The following BMPR1B variants were observed in gnomAD, a reference collection of about 807,000 sequenced individuals.
BMPR1B encodes the protein bone morphogenetic protein receptor type-1B.
Under a neutral mutation model 59.1 loss-of-function variants are expected in BMPR1B, and 12 were observed. The observed-to-expected ratio is 0.20, with a 90% CI of 0.13 to 0.33. The LOEUF (loss-of-function observed/expected upper bound fraction) is 0.33, where lower values mean the gene tolerates loss of function less well. BMPR1B is among the 10% of genes least tolerant of loss of function. The pLI is 1.00. For synonymous variants in BMPR1B, 237 were observed against 207.3 expected, an observed-to-expected ratio of 1.14 and a Z score of -1.23; for missense variants, 550 against 610.9, an observed-to-expected ratio of 0.90 and a Z score of 1.05.
At chr4:94,837,740 T>C in intron 1 of BMPR1B, among the ~76,000 whole-genome samples, 6 of 138,528 alleles carry the variant, frequency 4.3e-5, no homozygotes, top group African/African-American at 1.7e-4. Context: ...CCTAATTGAA[T>C]ACCCTTTATT....
chr4:94,792,947 T>A (rs895714513), intron 1 of BMPR1B, among the ~76,000 whole-genome samples: 1 of 152,144 alleles, frequency 6.6e-6, no homozygotes, highest in African/African-American at 2.4e-5. Context: ...GTTTAGATAG[T>A]CAGAAAAGAG....
At position 94,905,746 on chromosome 4, in the gene BMPR1B, A is replaced by T. The variant is rs370009516; in HGVS notation, c.-113+29846A>T. 9.9e-5 allele frequency among the ~76,000 whole-genome samples: 15 copies of T among 152,090 alleles called. No individual in the cohort carries two copies. The East Asian group carries it at 2.5e-3, about 26-fold the overall frequency. On this transcript the variant is annotated intron_variant, in intron 2 of 12. Coordinates refer to ENST00000515059, the MANE Select transcript of BMPR1B (RefSeq NM_001203.3). Reference sequence around the variant, plus strand: ...TACCTCTGGCTTCTATGGCTTAACTAGAGGCTAACTTTATCACTGCTGGGC... The same window carrying T: ...TACCTCTGGCTTCTATGGCTTAACTTGAGGCTAACTTTATCACTGCTGGGC...
Position 95,128,971 on chromosome 4 carries a change from T to G in BMPR1B, c.586-891T>G, listed in dbSNP as rs1328378955. 3.7e-4 allele frequency among the ~76,000 whole-genome samples: 56 copies of G among 152,114 alleles called. 1 individual carries two copies. The highest frequency in any genetic ancestry group is 3.7e-3 in the Admixed American group (56 of 15,258). The stretch of plus-strand genomic sequence containing the variant: ...TTCTTTCTTCTCTCCCTCCATTTTT[T>G]TTTGTTCTCCTTTTTCCTCCCCATT... On this transcript the variant is annotated intron_variant, in intron 8 of 12. Transcript: ENST00000515059.
At chr4:94,859,612 T>C (rs1725899384) in intron 1 of BMPR1B, among the ~76,000 whole-genome samples, 1 of 152,142 alleles carries the variant, frequency 6.6e-6, no homozygotes, top group African/African-American at 2.4e-5. Flanking sequence ...GCATTTTTGA[T>C]TTGTTGAAGA....
chr4:94,770,180 G>GGTTTTTTTTTT (rs771544268), intron 1 of BMPR1B, among the ~76,000 whole-genome samples: 102 of 106,230 alleles, frequency 9.6e-4, no homozygotes, highest in African/African-American at 2.1e-3. Flanking sequence ...CTTCGTTTCT[G>GGTTTTTTTTTT]TGTTTGTTTT....
rs533377202 is a variant in BMPR1B, at chr4:94,949,441, C to T, written c.-112-46599C>T. Among the ~76,000 whole-genome samples, 4 of 106,610 alleles carry T rather than the reference C, an allele frequency of 3.8e-5. 1 individual carries two copies. Among genetic ancestry groups the T allele is most frequent in the Admixed American group, 1.7e-4 (2 of 11,594 alleles). 69.9% of individuals were successfully genotyped at this position (106,610 alleles called of 152,430 possible). On this transcript the variant is annotated intron_variant, in intron 2 of 12. Transcript: ENST00000515059. ...ACGCCATTCTCCTGCCTCAGCCTCCCGAGTAGCTGGGACTACAGGCGCCTG... is the reference window on the plus strand; with the variant it reads ...ACGCCATTCTCCTGCCTCAGCCTCCTGAGTAGCTGGGACTACAGGCGCCTG...
chr4:94,938,874 G>C lies in BMPR1B; in HGVS notation c.-112-57166G>C, dbSNP rs904163116. The stretch of plus-strand genomic sequence containing the variant: ...TTTATTTTTTTAATTAGCCATGTGT[G>C]GGGGCACATGCCTGTAGTCCTAGCT... On this transcript the variant is annotated intron_variant, in intron 2 of 12. Transcript: ENST00000515059. Among the ~76,000 whole-genome samples the C allele has an allele frequency of 6.6e-5, 10 of 151,822 alleles. 1 individual carries two copies. Among genetic ancestry groups the C allele is most frequent in the Admixed American group, 3.3e-4 (5 of 15,240 alleles).
chr4:94,964,395 T>C (rs999946057), intron 2 of BMPR1B, among the ~76,000 whole-genome samples: 8 of 152,178 alleles, frequency 5.3e-5, no homozygotes, highest in African/African-American at 1.9e-4. Flanking sequence ...ATCCTTGTCT[T>C]GTTTCTGATC....
At chr4:94,980,905 G>A (rs1721016156) in intron 2 of BMPR1B, among the ~76,000 whole-genome samples, 1 of 152,154 alleles carries the variant, frequency 6.6e-6, no homozygotes, top group Admixed American at 6.5e-5. Flanking sequence ...TGAGGCAGGA[G>A]AATCGCTTGA....
intron 1 of BMPR1B, among the ~76,000 whole-genome samples, chr4:94,799,867 T>G (rs912959976): frequency 6.6e-6 from 1 of 151,728 alleles, no homozygotes; most frequent in African/African-American, 2.4e-5. Context: ...ATTTTTGTGT[T>G]TTTAGTAGAG....
intron 3 of BMPR1B, among the ~76,000 whole-genome samples, chr4:95,028,773 TTTC>T (rs1211081585): frequency 2.0e-5 from 3 of 152,086 alleles, no homozygotes; most frequent in Non-Finnish European, 4.4e-5. Flanking sequence ...AAATCTACCG[TTTC>T]TAATGCAGGA....
rs1735294248 is a variant in BMPR1B, at chr4:95,154,772, CT to C, written c.*101del. The stretch of plus-strand genomic sequence containing the variant: ...TCAAATAAGCATCCACAGTACAAGC[CT>C]TGAACATCGTCCTGCTTCCCAGTGG... On this transcript the variant is annotated 3_prime_UTR_variant, in exon 13 of 13. Transcript: ENST00000515059. The C allele has an allele frequency of 1.3e-6, 2 of 1,542,772 alleles. No homozygotes were observed. The highest frequency in any genetic ancestry group is 2.3e-5 in the East Asian group (1 of 44,108).
intron 1 of BMPR1B, among the ~76,000 whole-genome samples, chr4:94,853,490 G>A (rs1162189975): frequency 6.6e-6 from 1 of 152,178 alleles, no homozygotes; most frequent in Non-Finnish European, 1.5e-5. Context: ...AGGATAATAT[G>A]TATGGAGGCT....
chr4:95,036,578 T>C (rs1725257646), intron 3 of BMPR1B, among the ~76,000 whole-genome samples: 1 of 152,202 alleles, frequency 6.6e-6, no homozygotes, highest in Non-Finnish European at 1.5e-5. Context: ...AGTATTCTAC[T>C]GTGTGTATGT....
intron 3 of BMPR1B, among the ~76,000 whole-genome samples, chr4:94,999,797 A>G (rs1363642534): frequency 1.3e-5 from 2 of 152,196 alleles, no homozygotes; most frequent in Non-Finnish European, 2.9e-5. Context: ...TTACTGGGGC[A>G]GAGATAGTTC....
intron 4 of BMPR1B, among the ~76,000 whole-genome samples, chr4:95,105,701 C>T (rs1163745828): frequency 6.6e-6 from 1 of 151,914 alleles, no homozygotes; most frequent in African/African-American, 2.4e-5. Flanking sequence ...AATTTGGGAT[C>T]CAGAGAGGTC....
At chr4:94,806,955 CATA>C (rs1313336423) in intron 1 of BMPR1B, among the ~76,000 whole-genome samples, 1 of 151,756 alleles carries the variant, frequency 6.6e-6, no homozygotes, top group African/African-American at 2.4e-5. Context: ...TAAATAAGTT[CATA>C]ATAAATAATA....
At chr4:94,894,811 C>T (rs1020692373) in intron 2 of BMPR1B, among the ~76,000 whole-genome samples, 1 of 151,438 alleles carries the variant, frequency 6.6e-6, no homozygotes, top group Non-Finnish European at 1.5e-5. Context: ...AGAGAAGCAG[C>T]TCTGTATGCT....
chr4:94,977,744 C>T (rs1731085021), intron 2 of BMPR1B, among the ~76,000 whole-genome samples: 1 of 152,124 alleles, frequency 6.6e-6, no homozygotes, highest in Non-Finnish European at 1.5e-5. Context: ...GCAGTCCCAG[C>T]TAGTCAGAAG....
Sources: allele counts gnomAD v4.1 joint callset (sites outside exome capture counted in the v4.1 genomes callset), GRCh38; gene constraint gnomAD v4.1.1; transcripts MANE v1.5; gene names NCBI Gene and HGNC (gene_info 2026-07-23, HGNC 2026-07-21).